NBAS: variants seen among roughly 807,000 people sequenced by gnomAD.
NBAS encodes the protein NAG/BC035112 fusion.
Under a neutral mutation model 302.5 loss-of-function variants are expected in NBAS, and 219 were observed. The observed-to-expected ratio is 0.72, with a 90% CI of 0.65 to 0.81. The LOEUF is 0.81. Among genes scored for constraint, NBAS ranks in the 30% least tolerant of loss-of-function variants. The pLI, the probability that NBAS is intolerant of heterozygous loss-of-function variation, is 0.00. For missense variants in NBAS, 2,932 were observed against 2,841.6 expected, an observed-to-expected ratio of 1.03 and a Z score of -0.72; for synonymous variants, 1,118 against 1,021.6, an observed-to-expected ratio of 1.09 and a Z score of -1.80.
At chr2:15,414,923 C>T (rs769290869) in intron 25 of NBAS, among the ~76,000 whole-genome samples, 6 of 151,720 alleles carry the variant, frequency 4.0e-5, no homozygotes, top group Non-Finnish European at 5.9e-5. Flanking sequence ...CCAGCCTGGC[C>T]GAAAGAGCGA....
chr2:15,494,163 T>C (rs1272154017), intron 11 of NBAS, among the ~76,000 whole-genome samples: 1 of 152,224 alleles, frequency 6.6e-6, no homozygotes, highest in Non-Finnish European at 1.5e-5. Context: ...TAAATTTCTT[T>C]CACATTCCTC....
Position 15,402,726 on chromosome 2 carries a change from A to G in NBAS, c.2938-425T>C, listed in dbSNP as rs145793311. On this transcript the variant is annotated intron_variant, in intron 25 of 51. Transcript: ENST00000281513. The stretch of plus-strand genomic sequence containing the variant: ...CCTATTACTTTTCAGTAGGCATTAT[A>G]TATTACTCATTTAACTACAGAGTGC... 5.3e-5 allele frequency among the ~76,000 whole-genome samples: 8 copies of G among 152,094 alleles called. No individual in the cohort carries two copies. In the East Asian group the frequency reaches 1.4e-3, roughly 26 times the overall value.
chr2:15,166,840 C>G, downstream of NBAS: 1 of 550,112 alleles, frequency 1.8e-6, no homozygotes, highest in Non-Finnish European at 2.9e-6. Flanking sequence ...GGAAGAGTCT[C>G]TTAATCAATA....
chr2:14,877,000 T>G, the NBAS span, among the ~76,000 whole-genome samples: 1 of 152,166 alleles, frequency 6.6e-6, no homozygotes, highest in Non-Finnish European at 1.5e-5. Flanking sequence ...CCACTAAGCC[T>G]CTCAGTGACA....
intron 21 of NBAS, among the ~76,000 whole-genome samples, chr2:15,448,340 G>A (rs149429523): frequency 8.1e-4 from 124 of 152,200 alleles, no homozygotes; most frequent in African/African-American, 2.9e-3. Context: ...CACCATTACT[G>A]TCTAATGAAC....
At chr2:15,376,026 C>T (rs1304941134) in intron 30 of NBAS, among the ~76,000 whole-genome samples, 1 of 151,832 alleles carries the variant, frequency 6.6e-6, no homozygotes, top group Non-Finnish European at 1.5e-5. Flanking sequence ...CATAAGAAAC[C>T]GATATTTAAA....
At chr2:15,485,266 A>G (rs1558381643) in intron 12 of NBAS, among the ~76,000 whole-genome samples, 1 of 152,144 alleles carries the variant, frequency 6.6e-6, no homozygotes, top group African/African-American at 2.4e-5. Context: ...AGATCATCAA[A>G]TAAAAAGAAT....
the NBAS span, among the ~76,000 whole-genome samples, chr2:15,006,412 G>A: frequency 2.5e-3 from 373 of 152,156 alleles, 3 homozygotes; most frequent in South Asian, 1.0e-2. Flanking sequence ...TTACTGTGTC[G>A]CCTCTATTTA....
Position 15,275,752 on chromosome 2 carries a change from G to A in NBAS, c.5456C>T (p.Ser1819Leu). Reference protein sequence around the residue: ...SPLEALEPVLSSQNILSISKL... With the variant: ...SPLEALEPVLLSQNILSISKL... ...GGAAATAGACAAGATATTTTGACTT[G>A]AAAGAACTGGCTCCAATGCTTCAAG... The change falls in exon 44 of 52, where the codon TCA becomes TTA. Residue 1819 changes from serine (S) to leucine (L), a missense_variant. Transcript: ENST00000281513. 1 of 1,614,120 alleles carries A rather than the reference G, an allele frequency of 6.2e-7. No homozygotes were observed. The highest frequency in any genetic ancestry group is 8.5e-7 in the Non-Finnish European group (1 of 1,180,014).
At chr2:15,300,695 CTTCAAATAAGGTTGCCACACT>C (rs1670757518) in intron 40 of NBAS, among the ~76,000 whole-genome samples, 2 of 152,278 alleles carry the variant, frequency 1.3e-5, no homozygotes, top group African/African-American at 4.8e-5. Context: ...GAATTCCTGT[CTTCAAATAAGGTTGCCACACT>C]GAGCGGAGAG....
chr2:15,260,453 A>G (rs6711181), intron 44 of NBAS, among the ~76,000 whole-genome samples: 88,824 of 152,058 alleles, frequency 0.58, 28,605 homozygotes, highest in East Asian at 0.85. Flanking sequence ...TTCTAATAGC[A>G]AAGAAAGTGT....
chr2:15,417,408 T>A (rs1481873746), intron 24 of NBAS, 119 bp downstream of exon 24: 15 of 893,818 alleles, frequency 1.7e-5, no homozygotes, highest in Middle Eastern at 3.4e-4. Context: ...AAAGTCAATC[T>A]TTATTTACTA....
chr2:15,092,922 G>A, the NBAS span, among the ~76,000 whole-genome samples: 2 of 152,110 alleles, frequency 1.3e-5, no homozygotes, highest in Admixed American at 6.5e-5. Context: ...AATTCCATAA[G>A]CATAGCACTG....
chr2:15,442,560 C>A lies in NBAS; in HGVS notation c.2340-14766G>T, dbSNP rs556425273. Among the ~76,000 whole-genome samples, 1,035 of 150,222 alleles carry A rather than the reference C, an allele frequency of 6.9e-3. 15 individuals carry two copies. The highest frequency in any genetic ancestry group is 0.026 in the East Asian group (129 of 4,886). ...CCACAAGAGAAAGCAGGAAAGATCC[C>A]AAATTGACACCTTAACATCACAATT... On this transcript the variant is annotated intron_variant, in intron 21 of 51. Transcript: ENST00000281513.
At chr2:15,195,238 G>A (rs908269615) in intron 48 of NBAS, among the ~76,000 whole-genome samples, 4 of 152,134 alleles carry the variant, frequency 2.6e-5, no homozygotes, top group Admixed American at 2.0e-4. Flanking sequence ...ATTGGGTCAC[G>A]AGAGTGATGC....
At chr2:15,119,796 C>T in the NBAS span, among the ~76,000 whole-genome samples, 1 of 152,164 alleles carries the variant, frequency 6.6e-6, no homozygotes, top group Admixed American at 6.6e-5. Flanking sequence ...GGATTGAGTG[C>T]CTGCTGGGTC....
At chr2:15,484,650 C>T (rs1385653783) in intron 12 of NBAS, among the ~76,000 whole-genome samples, 1 of 152,172 alleles carries the variant, frequency 6.6e-6, no homozygotes, top group Non-Finnish European at 1.5e-5. Context: ...AATAATCCTT[C>T]TCCCCAACAC....
the NBAS span, among the ~76,000 whole-genome samples, chr2:15,160,585 C>CGGGGTGGGG: frequency 1.1e-5 from 1 of 92,290 alleles, no homozygotes; most frequent in Non-Finnish European, 2.2e-5. Flanking sequence ...CCAGTGTGGG[C>CGGGGTGGGG]GGGGGGAGGG....
intron 27 of NBAS, among the ~76,000 whole-genome samples, chr2:15,394,898 A>G (rs1052867473): frequency 3.9e-5 from 6 of 152,112 alleles, no homozygotes; most frequent in Non-Finnish European, 7.4e-5. Context: ...TCAACATCAT[A>G]TAAATACTTG....
Sources: gnomAD v4.1 joint callset for allele counts (sites outside exome capture counted in the v4.1 genomes callset) on GRCh38, gnomAD v4.1.1 for gene constraint, MANE v1.5 for transcripts, NCBI Gene and HGNC (gene_info 2026-07-23, HGNC 2026-07-21) for gene names.